The following GUCY2C variants were observed in gnomAD, a reference collection of about 807,000 sequenced individuals.
GUCY2C encodes guanylyl cyclase C.
In GUCY2C, 118 loss-of-function variants were observed where a neutral mutation model predicts 131.1. The observed-to-expected ratio is 0.90, with a 90% CI of 0.78 to 1.05. The LOEUF (loss-of-function observed/expected upper bound fraction) is 1.05, where lower values mean the gene tolerates loss of function less well. Ranked by LOEUF, GUCY2C falls within the 50% of genes least tolerant of loss-of-function variation. The pLI, the probability that GUCY2C is intolerant of heterozygous loss-of-function variation, is 0.00. For synonymous variants in GUCY2C, 452 were observed against 457.8 expected, an observed-to-expected ratio of 0.99 and a Z score of 0.16; for missense variants, 1,161 against 1,304.4, an observed-to-expected ratio of 0.89 and a Z score of 1.69.
At chr12:14,674,367 T>C (rs1194077838) in intron 8 of GUCY2C, 1 of 494,960 alleles carries the variant, frequency 2.0e-6, no homozygotes, top group African/African-American at 1.9e-5. Context: ...TATGATGAGC[T>C]TGTTCATAAG....
intron 19 of GUCY2C, among the ~76,000 whole-genome samples, chr12:14,632,721 G>A (rs577122381): frequency 1.3e-5 from 2 of 152,324 alleles, no homozygotes; most frequent in East Asian, 3.9e-4. Flanking sequence ...ACCACAGGGT[G>A]GGGACTGAAG....
At position 14,621,052 on chromosome 12, in the gene GUCY2C, T is replaced by C. The variant is rs752178641; in HGVS notation, c.2766A>G (p.Gly922=). ...LPGLPIWIRI[G]VHSGPCAAGV... is the part of the protein sequence containing the mutation. ...TGCTCAACTCCATACCAGAGTGAAC[T>C]CCAATGCGAATCCATATTGGGAGGC... The change falls in exon 23 of 27, where the codon GGA becomes GGG. Residue 922 remains glycine, a synonymous_variant. Coordinates refer to ENST00000261170, the MANE Select transcript of GUCY2C (RefSeq NM_004963.4). 3.0e-5 allele frequency: 48 copies of C among 1,613,364 alleles called. No homozygotes were observed. The highest frequency in any genetic ancestry group is 3.9e-5 in the Non-Finnish European group (46 of 1,179,582).
At position 14,613,312 on chromosome 12, in the gene GUCY2C, GAAA is replaced by G; in HGVS notation, c.3048-24_3048-22del. ...TCTCCCTGGAAACAGAGTGGGAAGA[GAAA>G]ATAGAACTTCTCAGCAATTCATACA... On this transcript the variant is annotated intron_variant, in intron 26 of 26. Transcript: ENST00000261170. This position sits in a 1 kb window ranked among gnomAD's most constrained non-coding sequence, Gnocchi z 4.9. The G allele has an allele frequency of 6.3e-7, 1 of 1,593,472 alleles. No individual in the cohort carries two copies. The highest frequency in any genetic ancestry group is 8.6e-7 in the Non-Finnish European group (1 of 1,161,890).
chr12:14,682,018 G>T (rs1948356889), intron 4 of GUCY2C, among the ~76,000 whole-genome samples: 1 of 152,114 alleles, frequency 6.6e-6, no homozygotes, highest in South Asian at 2.1e-4. Flanking sequence ...TGCATCCCTG[G>T]TGGTATCCCA....
intron 25 of GUCY2C, among the ~76,000 whole-genome samples, chr12:14,615,183 AGAGTT>A (rs1253436481): frequency 3.9e-5 from 6 of 152,164 alleles, no homozygotes; most frequent in South Asian, 2.1e-4. Flanking sequence ...TTCTCAAAGT[AGAGTT>A]TTCTTTTTTT....
chr12:14,622,365 A>G (rs1031916321), intron 21 of GUCY2C, among the ~76,000 whole-genome samples, 168 bp from the exon 22 acceptor site: 3 of 152,244 alleles, frequency 2.0e-5, no homozygotes, highest in Admixed American at 6.5e-5. Flanking sequence ...ATACATGAAC[A>G]TATTACACAA....
intron 11 of GUCY2C, among the ~76,000 whole-genome samples, chr12:14,656,851 G>A (rs943325911): frequency 1.3e-5 from 2 of 152,162 alleles, no homozygotes; most frequent in African/African-American, 2.4e-5. Flanking sequence ...TTGACACCAC[G>A]GACTGGTTTC....
intron 10 of GUCY2C, chr12:14,666,041 A>G (rs547872439): frequency 6.6e-6 from 1 of 152,454 alleles, no homozygotes; most frequent in Non-Finnish European, 1.5e-5. Flanking sequence ...GGAAAAAACC[A>G]TGCTTGTGGT....
At chr12:14,684,495 T>C (rs534366398) in intron 3 of GUCY2C, among the ~76,000 whole-genome samples, 1 of 152,164 alleles carries the variant, frequency 6.6e-6, no homozygotes, top group East Asian at 1.9e-4. Flanking sequence ...CTGTGCACTC[T>C]ATAGCTTCTC....
intron 7 of GUCY2C, among the ~76,000 whole-genome samples, chr12:14,675,495 A>G (rs983535717): frequency 1.3e-5 from 2 of 152,232 alleles, no homozygotes; most frequent in Non-Finnish European, 2.9e-5. Flanking sequence ...GAGAAACCCA[A>G]AAATCAAAAA....
At chr12:14,653,164 T>C (rs1168462092) in intron 12 of GUCY2C, 150 bp from the exon 13 acceptor site, 5 of 722,296 alleles carry the variant, frequency 6.9e-6, no homozygotes, top group African/African-American at 1.7e-5. Flanking sequence ...CTGTTGTAAT[T>C]GACTTGCTCC....
In GUCY2C at chr12:14,612,816, A is replaced by G. The variant is rs535555126; in HGVS notation, c.*301T>C. The G allele has an allele frequency of 2.7e-5, 7 of 261,410 alleles. No homozygotes were observed. Among genetic ancestry groups the G allele is most frequent in the Admixed American group, 2.0e-4 (4 of 19,686 alleles). The allele number at this position is 261,410 out of a possible 1,614,324, so 16.2% of individuals were successfully genotyped here. ...GATAAAAATAAACAAACAAAAAATA[A>G]ATGAAATAAGAATAAAATCTTCTCA... On this transcript the variant is annotated 3_prime_UTR_variant, in exon 27 of 27. Transcript: ENST00000261170.
At chr12:14,635,904 G>GA (rs940722886) in intron 19 of GUCY2C, among the ~76,000 whole-genome samples, 4 of 151,950 alleles carry the variant, frequency 2.6e-5, no homozygotes, top group African/African-American at 7.3e-5. Flanking sequence ...GATTGAATCA[G>GA]AAAAAAATAG....
intron 19 of GUCY2C, among the ~76,000 whole-genome samples, chr12:14,637,580 A>G (rs1450431313): frequency 2.0e-5 from 3 of 152,232 alleles, no homozygotes. Flanking sequence ...TTACTGGCAC[A>G]GGAACAGACA....
rs1382390012 is a variant in GUCY2C at position 14,616,713 on chromosome 12, C to T, written c.2890G>A (p.Val964Met). The change falls in exon 25 of 27, where the codon GTG (valine) becomes ATG (methionine). Residue 964 changes from valine (V) to methionine (M), a missense_variant. Transcript: ENST00000261170. Reference protein sequence around the residue: ...ESTGLPLRIHVSGSTIAILKR... With the variant: ...ESTGLPLRIHMSGSTIAILKR... ...AGGATGGCTATGGTGGAGCCACTCA[C>T]GTGAATTCTCAAAGCTGGAAATGCA... 12 of 1,600,140 alleles carry T rather than the reference C, an allele frequency of 7.5e-6. No homozygotes were observed. Among genetic ancestry groups the T allele is most frequent in the African/African-American group, 1.3e-5 (1 of 74,700 alleles).
At chr12:14,692,566 G>A (rs1948593570) in intron 1 of GUCY2C, among the ~76,000 whole-genome samples, 1 of 152,110 alleles carries the variant, frequency 6.6e-6, no homozygotes, top group Admixed American at 6.5e-5. Context: ...AGAGGTCCTA[G>A]GCCAGGTGCG....
At chr12:14,673,850 C>G (rs951807856) in intron 8 of GUCY2C, among the ~76,000 whole-genome samples, 1 of 152,154 alleles carries the variant, frequency 6.6e-6, no homozygotes, top group Non-Finnish European at 1.5e-5. Context: ...GTCTCCCTCC[C>G]TGCATCTTCA....
rs1565630574 is a variant in GUCY2C, at chr12:14,674,759, G to A, written c.950C>T (p.Thr317Ile). The A allele has an allele frequency of 6.9e-6, 11 of 1,598,416 alleles. No homozygotes were observed. The highest frequency in any genetic ancestry group is 1.4e-5 in the African/African-American group (1 of 73,858). Reference sequence around the variant, plus strand: ...ATAGGCAAGAGCAAAGTCTCGTTTTGTCTAAATAAAAAAGGAAAATATTAA... The same window carrying A: ...ATAGGCAAGAGCAAAGTCTCGTTTTATCTAAATAAAAAAGGAAAATATTAA... ...NSSFSRNLSPTKRDFALAYLN... is the reference protein window; with the variant it reads ...NSSFSRNLSPIKRDFALAYLN... The change falls in exon 8 of 27, where the codon ACA becomes ATA. Residue 317 changes from threonine to isoleucine, a missense_variant and splice_region_variant. Physicochemically the swap from Thr to Ile is moderately conservative, Grantham distance 89. Coordinates refer to ENST00000261170, the MANE Select transcript of GUCY2C (RefSeq NM_004963.4).
chr12:14,636,254 C>T lies in GUCY2C; in HGVS notation c.2157+3608G>A, dbSNP rs147563082. Among the ~76,000 whole-genome samples, 333 of 152,134 alleles carry T rather than the reference C, an allele frequency of 2.2e-3. 1 individual carries two copies. The highest frequency in any genetic ancestry group is 3.8e-3 in the Non-Finnish European group (257 of 67,996). ...CTAACAGTACATCAAAAAGATAATA[C>T]GCCATGATCAAGTGGGATTTATCCC... On this transcript the variant is annotated intron_variant, in intron 19 of 26. Transcript: ENST00000261170.
Sources: allele counts gnomAD v4.1 joint callset (sites outside exome capture counted in the v4.1 genomes callset), GRCh38; gene constraint gnomAD v4.1.1; non-coding constraint Gnocchi (gnomAD v3.1); transcripts MANE v1.5; gene names NCBI Gene and HGNC (gene_info 2026-07-23, HGNC 2026-07-21).